The following DZIP3 variants were observed in gnomAD, a reference collection of about 807,000 sequenced individuals.
DZIP3 encodes the protein E3 ubiquitin-protein ligase DZIP3.
In DZIP3, 118 loss-of-function variants were observed where a neutral mutation model predicts 162.0. The ratio of observed to expected loss-of-function variants is 0.73; its 90% CI spans 0.63 to 0.85. DZIP3 has a LOEUF of 0.85. Ranked by LOEUF, DZIP3 falls within the 40% of genes least tolerant of loss-of-function variation. The pLI is 0.00. For missense variants in DZIP3, 1,331 were observed against 1,407.0 expected (o/e 0.95, Z 0.86); for synonymous variants, 438 against 458.6 (o/e 0.96, Z 0.57).
At chr3:108,683,686 C>T (rs940537273) in intron 26 of DZIP3, among the ~76,000 whole-genome samples, 9 of 152,204 alleles carry the variant, frequency 5.9e-5, no homozygotes, top group African/African-American at 1.9e-4. Context: ...GCCCATCCCA[C>T]TTCCTCCTCC....
rs1037284599 is a variant in DZIP3 at position 108,693,582 on chromosome 3, C to T, written c.*229C>T. ...TTCCCTTAAGAGCTAGTTGTTAAAC[C>T]TTTACCAGCATACCACTGGACCTTG... On this transcript the variant is annotated 3_prime_UTR_variant, in exon 33 of 33. Coordinates refer to ENST00000361582, the MANE Select transcript of DZIP3 (RefSeq NM_014648.4). 1 of 152,092 alleles carries T rather than the reference C, an allele frequency of 6.6e-6. No individual in the cohort carries two copies. Among genetic ancestry groups the T allele is most frequent in the Non-Finnish European group, 1.5e-5 (1 of 68,004 alleles). The allele number at this position is 152,092 out of a possible 1,614,324, so 9.4% of individuals were successfully genotyped here.
intron 13 of DZIP3, among the ~76,000 whole-genome samples, chr3:108,643,528 G>A (rs917079777): frequency 1.3e-5 from 2 of 151,386 alleles, no homozygotes; most frequent in African/African-American, 4.9e-5. Context: ...GATGCTTGAT[G>A]CTGCTGGTCT....
At chr3:108,672,722 T>A in intron 23 of DZIP3, 66 bp downstream of exon 23, 1 of 1,204,928 alleles carries the variant, frequency 8.3e-7, no homozygotes. Flanking sequence ...ACCATCATAC[T>A]AAAGAATTTG....
At chr3:108,611,644 C>T (rs1940712875) in intron 4 of DZIP3, among the ~76,000 whole-genome samples, 1 of 152,076 alleles carries the variant, frequency 6.6e-6, no homozygotes, top group Non-Finnish European at 1.5e-5. Flanking sequence ...GGACAGGGGA[C>T]TGCTTTTGTT....
chr3:108,675,954 T>G, intron 25 of DZIP3, 81 bp downstream of exon 25: 1 of 1,203,970 alleles, frequency 8.3e-7, no homozygotes, highest in Non-Finnish European at 1.2e-6. Context: ...AGTAGAAAAA[T>G]TTAAGGAAGA....
At chr3:108,617,488 A>G (rs1941083296) in intron 5 of DZIP3, among the ~76,000 whole-genome samples, 1 of 152,164 alleles carries the variant, frequency 6.6e-6, no homozygotes, top group Admixed American at 6.5e-5. Context: ...AATTTCTCTT[A>G]TAGGTAAAAT....
At position 108,687,461 on chromosome 3, in the gene DZIP3, T is replaced by C. The variant is rs957602099; in HGVS notation, c.3150-515T>C. On this transcript the variant is annotated intron_variant, in intron 28 of 32. Coordinates refer to ENST00000361582, the MANE Select transcript of DZIP3 (RefSeq NM_014648.4). ...ACATATCAATTAAAATAATTGTGGG[T>C]TCTTTCATTATATAATTAATGTGAT... 3.9e-5 allele frequency among the ~76,000 whole-genome samples: 6 copies of C among 152,162 alleles called. No homozygotes were observed. The East Asian group carries it at 1.2e-3, about 29-fold the overall frequency.
chr3:108,644,542 A>G lies in DZIP3; in HGVS notation c.1520A>G (p.Lys507Arg). The G allele has an allele frequency of 6.2e-7, 1 of 1,614,110 alleles. No homozygotes were observed. ...TCTGCAGACATCCTGAGACTGTGCA[A>G]ATACAGGGATATCCTCCTTAGTGAG... ...SKSADILRLC[K>R]YRDILLSEIL... The change falls in exon 14 of 33, where the codon AAA becomes AGA. Residue 507 changes from lysine to arginine, a missense_variant. Lys to Arg is a conservative substitution (Grantham distance 26). Coordinates refer to ENST00000361582, the MANE Select transcript of DZIP3 (RefSeq NM_014648.4).
intron 6 of DZIP3, 47 bp downstream of exon 6, chr3:108,624,571 A>G: frequency 9.4e-7 from 1 of 1,062,554 alleles, no homozygotes; most frequent in Non-Finnish European, 1.4e-6. Context: ...TACATCTTGG[A>G]ATAATCAGGC....
At chr3:108,674,032 A>G (rs769366407) in intron 23 of DZIP3, 46 bp from the exon 24 acceptor site, 6 of 1,399,044 alleles carry the variant, frequency 4.3e-6, no homozygotes, top group Non-Finnish European at 6.1e-6. Flanking sequence ...ATGTTCCTTT[A>G]CAAGCACACC....
intron 22 of DZIP3, 29 bp downstream of exon 22, chr3:108,669,778 ACT>A: frequency 1.3e-6 from 2 of 1,534,014 alleles, no homozygotes; most frequent in South Asian, 2.3e-5. Context: ...CTTTGGGTGC[ACT>A]CTCTCTGAAA....
Position 108,644,174 on chromosome 3 carries a change from T to C in DZIP3, c.1152T>C (p.Pro384=). Residue 384 remains proline, a synonymous_variant, in exon 14 of 33, where the codon CCT becomes CCC. Transcript: ENST00000361582. ...SLKFNTKDEM[P]IFKLDYNYFY... ...AAAATTTATTTTCAGATGAAATGCC[T>C]ATCTTCAAGCTTGATTATAATTATT... 1 of 1,590,800 alleles carries C rather than the reference T, an allele frequency of 6.3e-7. No homozygotes were observed. Among genetic ancestry groups the C allele is most frequent in the Non-Finnish European group, 8.5e-7 (1 of 1,172,146 alleles).
At position 108,626,043 on chromosome 3, in the gene DZIP3, G is replaced by C. The variant is rs1214030611; in HGVS notation, c.581+74G>C. ...TGTGAAATGGAAGTAAGTGTGCACA[G>C]TATATCAGGCATTGTGACATTTGTG... On this transcript the variant is annotated intron_variant, in intron 7 of 32. Coordinates refer to ENST00000361582, the MANE Select transcript of DZIP3 (RefSeq NM_014648.4). 2.0e-6 allele frequency: 3 copies of C among 1,483,802 alleles called. No individual in the cohort carries two copies. The Admixed American group carries it at 6.3e-5, about 31-fold the overall frequency. 91.9% of individuals were successfully genotyped at this position (1,483,802 alleles called of 1,614,324 possible). A position where few individuals can be genotyped will look rare whatever the true frequency, so the allele number is the denominator to read the frequency against.
At chr3:108,602,518 T>C (rs1001002612) in intron 1 of DZIP3, among the ~76,000 whole-genome samples, 21 of 152,170 alleles carry the variant, frequency 1.4e-4, no homozygotes, top group Non-Finnish European at 2.1e-4. Context: ...CTAAATAGAT[T>C]TCTGGAGAAG....
rs145750628 is a variant in DZIP3, at chr3:108,689,034, A to G, written c.3516+110A>G. Reference sequence around the variant, plus strand: ...TGTTGTCTCACAAGTTCCACTGGATATAACTCTGAGCTTTTGGGTACCACA... The same window carrying G: ...TGTTGTCTCACAAGTTCCACTGGATGTAACTCTGAGCTTTTGGGTACCACA... On this transcript the variant is annotated intron_variant, in intron 31 of 32. Transcript: ENST00000361582. The G allele has an allele frequency of 3.2e-3, 3,471 of 1,080,800 alleles. 18 individuals are homozygous for G. The highest frequency in any genetic ancestry group is 0.02 in the Middle Eastern group (86 of 4,342). 67.0% of individuals were successfully genotyped at this position (1,080,800 alleles called of 1,614,324 possible).
chr3:108,604,480 G>A (rs1940209653), intron 1 of DZIP3, among the ~76,000 whole-genome samples: 1 of 152,128 alleles, frequency 6.6e-6, no homozygotes, highest in Non-Finnish European at 1.5e-5. Flanking sequence ...AATGGGACCT[G>A]TTTTAGAAGA....
At chr3:108,671,837 G>A (rs1559775474) in intron 22 of DZIP3, among the ~76,000 whole-genome samples, 1 of 151,904 alleles carries the variant, frequency 6.6e-6, no homozygotes, top group South Asian at 2.1e-4. Flanking sequence ...AAGTAGTACC[G>A]TTTTTTCCAT....
At position 108,634,935 on chromosome 3, in the gene DZIP3, A is replaced by C; in HGVS notation, c.881A>C (p.Lys294Thr). The part of the protein sequence containing the change: ...CVYFHKICWK[K>T]FKNLKYPGEN... ...TATTTCCATAAAATTTGCTGGAAAA[A>C]GTTCAAGAATTTAAAGTATCCAGGT... Residue 294 changes from lysine (K) to threonine (T), a missense_variant, in exon 10 of 33, where the codon AAG becomes ACG. Lys to Thr is a moderately conservative substitution (Grantham distance 78). This residue lies in a region of DZIP3 where 1,278 missense variants were observed against 1,317.1 expected (regional missense o/e 0.97). Coordinates refer to ENST00000361582, the MANE Select transcript of DZIP3 (RefSeq NM_014648.4). The C allele has an allele frequency of 1.2e-6, 2 of 1,610,044 alleles. No individual in the cohort carries two copies. Among genetic ancestry groups the C allele is most frequent in the Non-Finnish European group, 1.7e-6 (2 of 1,177,582 alleles).
At chr3:108,668,911 C>T (rs1332371454) in intron 21 of DZIP3, among the ~76,000 whole-genome samples, 3 of 151,900 alleles carry the variant, frequency 2.0e-5, no homozygotes, top group Non-Finnish European at 4.4e-5. Flanking sequence ...GAGAAATGTG[C>T]TTTTATTATA....
Sources: gnomAD v4.1 joint callset for allele counts (sites outside exome capture counted in the v4.1 genomes callset) on GRCh38, gnomAD v4.1.1 for gene constraint, gnomAD v4.1.1 regional missense constraint, MANE v1.5 for transcripts, NCBI Gene and HGNC (gene_info 2026-07-23, HGNC 2026-07-21) for gene names.